PCNA: variants seen among roughly 807,000 people sequenced by gnomAD.
The protein encoded by PCNA is DNA sliding clamp PCNA.
PCNA carries 4 observed loss-of-function variants against 27.8 expected under a neutral mutation model. That is an observed-to-expected ratio of 0.14 (90% CI 0.07 to 0.33). The LOEUF is 0.33. Among genes scored for constraint, PCNA ranks in the 10% least tolerant of loss-of-function variants. The probability of loss-of-function intolerance (pLI) is 1.00; values close to 1 mark genes in which losing one functional copy is unlikely to be tolerated. For missense variants in PCNA, 165 were observed against 327.4 expected (o/e 0.50, Z 3.83); for synonymous variants, 121 against 119.4 (o/e 1.01, Z -0.09).
chr20:5,120,204 G>A (rs1242983549), upstream of PCNA, among the ~76,000 whole-genome samples: 1 of 152,252 alleles, frequency 6.6e-6, no homozygotes, highest in Non-Finnish European at 1.5e-5. Context: ...TGGAGATCGG[G>A]TCCCGGTCCC....
chr20:5,122,231 C>G (rs1376599686), upstream of PCNA, among the ~76,000 whole-genome samples: 2 of 152,036 alleles, frequency 1.3e-5, no homozygotes, highest in Non-Finnish European at 2.9e-5. Context: ...ATCTGCCTGC[C>G]TTGGCCTCCC....
At chr20:5,118,207 C>T (rs773918719) in intron 3 of PCNA, among the ~76,000 whole-genome samples, 1 of 152,192 alleles carries the variant, frequency 6.6e-6, no homozygotes, top group Non-Finnish European at 1.5e-5. Context: ...TATCCAAATA[C>T]TAAAATCTCT....
intron 1 of PCNA, 33 bp from the exon 2 acceptor site, chr20:5,118,899 A>G (rs767746056): frequency 5.0e-5 from 73 of 1,460,380 alleles, no homozygotes; most frequent in Admixed American, 8.5e-5. Flanking sequence ...TTTAAAATCA[A>G]CGCCGTCTGC....
intron 4 of PCNA, among the ~76,000 whole-genome samples, chr20:5,117,224 G>A (rs368590248): frequency 2.6e-5 from 4 of 152,140 alleles, no homozygotes; most frequent in Admixed American, 6.5e-5. Flanking sequence ...CTTAAGAGCC[G>A]GTGTGGACTT....
chr20:5,118,937 G>C, intron 1 of PCNA, 71 bp from the exon 2 acceptor site: 1 of 1,049,322 alleles, frequency 9.5e-7, no homozygotes, highest in Non-Finnish European at 1.5e-6. Flanking sequence ...AACGCGGTTA[G>C]AAGGGGTTAC....
At chr20:5,126,151 C>G (rs1182653963) in intron 1 of PCNA, among the ~76,000 whole-genome samples, 1 of 152,128 alleles carries the variant, frequency 6.6e-6, no homozygotes, top group Non-Finnish European at 1.5e-5. Context: ...TGCAGTGAGT[C>G]GAGATCATGC....
intron 4 of PCNA, among the ~76,000 whole-genome samples, chr20:5,116,513 G>A (rs2090476480): frequency 6.6e-6 from 1 of 152,094 alleles, no homozygotes; most frequent in Non-Finnish European, 1.5e-5. Context: ...GCAATATATA[G>A]TATTTATTGT....
chr20:5,118,389 G>T (rs538539446), intron 3 of PCNA, among the ~76,000 whole-genome samples: 3 of 152,272 alleles, frequency 2.0e-5, no homozygotes, highest in African/African-American at 7.2e-5. Context: ...TTAGCCAGGT[G>T]TGGTGGGACA....
chr20:5,121,195 T>C (rs1238233126), upstream of PCNA, among the ~76,000 whole-genome samples: 4 of 152,174 alleles, frequency 2.6e-5, no homozygotes, highest in Admixed American at 6.5e-5. Context: ...CACTTCTCTT[T>C]AGTTACTTTT....
chr20:5,125,109 T>G (rs1260643937), intron 1 of PCNA, among the ~76,000 whole-genome samples: 1 of 152,126 alleles, frequency 6.6e-6, no homozygotes, highest in Admixed American at 6.6e-5. Context: ...GAGGCCTATG[T>G]GGGAGGATTG....
chr20:5,118,462 T>A (rs1227988400), intron 3 of PCNA, 148 bp downstream of exon 3: 2 of 614,608 alleles, frequency 3.3e-6, no homozygotes, highest in Non-Finnish European at 2.9e-6. Flanking sequence ...AGCCCAGGAA[T>A]CCCAGGTTAG....
At chr20:5,121,670 C>T (rs1479823581), upstream of PCNA, 2 of 151,986 alleles carry the variant, frequency 1.3e-5, no homozygotes, top group African/African-American at 4.8e-5. Flanking sequence ...CCTTTGACAC[C>T]CAGGCTGGAG....
chr20:5,117,796 G>A (rs549770780), intron 3 of PCNA, 132 bp from the exon 4 acceptor site: 17 of 566,442 alleles, frequency 3.0e-5, no homozygotes, highest in South Asian at 1.4e-4. Context: ...TATGACTTGC[G>A]TAATTTCTTA....
At chr20:5,123,207 A>G (rs900491729), upstream of PCNA, among the ~76,000 whole-genome samples, 2 of 152,194 alleles carry the variant, frequency 1.3e-5, no homozygotes, top group African/African-American at 4.8e-5. Flanking sequence ...GGCTGGGGTG[A>G]GCTCTTGCAG....
intron 4 of PCNA, among the ~76,000 whole-genome samples, chr20:5,115,976 GCT>G (rs771581926): frequency 2.6e-4 from 40 of 152,036 alleles, no homozygotes; most frequent in Admixed American, 2.4e-3. Flanking sequence ...CTATATTCTT[GCT>G]CTCTCACCCC....
In PCNA at chr20:5,119,905, C is replaced by A; in HGVS notation, c.-107G>T. The A allele has an allele frequency of 8.7e-6, 7 of 807,854 alleles. No homozygotes were observed. Among genetic ancestry groups the A allele is most frequent in the Non-Finnish European group, 1.4e-5 (7 of 496,944 alleles). 50.0% of individuals were successfully genotyped at this position (807,854 alleles called of 1,614,324 possible). A position where few individuals can be genotyped will look rare whatever the true frequency, so the allele number is the denominator to read the frequency against. On this transcript the variant is annotated 5_prime_UTR_variant, in exon 1 of 6. Coordinates refer to ENST00000379143, the MANE Select transcript of PCNA (RefSeq NM_182649.2). ...GCGAGCGGGCGAACGTCGCGACGAC[C>A]GGCTGAGACCTAGAAAGACAACGAC...
At chr20:5,119,065 C>G (rs2090496891) in intron 1 of PCNA, among the ~76,000 whole-genome samples, 199 bp from the exon 2 acceptor site, 1 of 152,074 alleles carries the variant, frequency 6.6e-6, no homozygotes, top group African/African-American at 2.4e-5. Context: ...TAAAATACCA[C>G]CAGCAGTGTC....
chr20:5,119,918 G>C lies in PCNA; in HGVS notation c.-120C>G. 1.4e-6 allele frequency: 1 copy of C among 734,728 alleles called. No individual in the cohort carries two copies. Among genetic ancestry groups the C allele is most frequent in the South Asian group, 1.7e-5 (1 of 59,554 alleles). 45.5% of individuals were successfully genotyped at this position (734,728 alleles called of 1,614,324 possible). ...CGTCGCGACGACCGGCTGAGACCTA[G>C]AAAGACAACGACCACTCTGCTACGC... On this transcript the variant is annotated 5_prime_UTR_variant, in exon 1 of 6. Coordinates refer to ENST00000379143, the MANE Select transcript of PCNA (RefSeq NM_182649.2).
chr20:5,119,433 T>G, intron 1 of PCNA, 145 bp downstream of exon 1: 1 of 675,552 alleles, frequency 1.5e-6, no homozygotes, highest in Non-Finnish European at 2.5e-6. Context: ...CGCGCTCAGC[T>G]GGGCCCCACC....
Sources: gnomAD v4.1 joint callset for allele counts (sites outside exome capture counted in the v4.1 genomes callset) on GRCh38, gnomAD v4.1.1 for gene constraint, MANE v1.5 for transcripts, NCBI Gene and HGNC (gene_info 2026-07-23, HGNC 2026-07-21) for gene names.